Variants in COL5A2 observed in about 807,000 individuals in gnomAD.
COL5A2 encodes the protein collagen type V alpha 2 chain.
COL5A2 carries 23 observed loss-of-function variants against 208.2 expected under a neutral mutation model. The observed-to-expected ratio is 0.11, with a 90% CI of 0.08 to 0.16. COL5A2 has a LOEUF of 0.16. COL5A2 is among the 10% of genes least tolerant of loss of function. The pLI, the probability that COL5A2 is intolerant of heterozygous loss-of-function variation, is 1.00. For synonymous variants in COL5A2, 625 were observed against 628.5 expected, an observed-to-expected ratio of 0.99 and a Z score of 0.08; for missense variants, 1,590 against 1,956.4, an observed-to-expected ratio of 0.81 and a Z score of 3.53.
chr2:189,181,522 C>CT, upstream of COL5A2, among the ~76,000 whole-genome samples: 1 of 152,202 alleles, frequency 6.6e-6, no homozygotes, highest in East Asian at 1.9e-4. Flanking sequence ...AGGAATTAAC[C>CT]TTTCTCTGAG....
intron 8 of COL5A2, among the ~76,000 whole-genome samples, chr2:189,087,023 A>T (rs548272742): frequency 7.9e-5 from 12 of 152,198 alleles, no homozygotes; most frequent in Admixed American, 2.0e-4. Context: ...TACACACCCA[A>T]TGTCTTTAGA....
intron 5 of COL5A2, 71 bp downstream of exon 5, chr2:189,098,656 T>A: frequency 8.7e-7 from 1 of 1,143,680 alleles, no homozygotes; most frequent in South Asian, 1.2e-5. Context: ...CTCATGGATA[T>A]AATATCTGTA....
the COL5A2 span, among the ~76,000 whole-genome samples, chr2:189,341,783 T>C: frequency 1.3e-5 from 2 of 152,184 alleles, no homozygotes; most frequent in African/African-American, 2.4e-5. Context: ...GAAAGTCTCA[T>C]ATTTTTAATT....
intron 1 of COL5A2, among the ~76,000 whole-genome samples, chr2:189,149,670 A>G (rs184256868): frequency 6.6e-6 from 1 of 152,240 alleles, no homozygotes; most frequent in African/African-American, 2.4e-5. Context: ...TGAAGAAACT[A>G]TAAGTGAATT....
At chr2:189,330,700 C>T in the COL5A2 span, among the ~76,000 whole-genome samples, 1 of 152,094 alleles carries the variant, frequency 6.6e-6, no homozygotes, top group South Asian at 2.1e-4. Flanking sequence ...CTGATCTTGC[C>T]CTCAAAAACA....
the COL5A2 span, among the ~76,000 whole-genome samples, chr2:189,251,788 C>T: frequency 2.6e-5 from 4 of 152,124 alleles, no homozygotes; most frequent in East Asian, 7.7e-4. Context: ...AAGAGCTTCG[C>T]ACAGCAAAAG....
the COL5A2 span, among the ~76,000 whole-genome samples, chr2:189,380,747 A>G: frequency 3.9e-5 from 6 of 151,992 alleles, no homozygotes; most frequent in Admixed American, 3.9e-4. Context: ...CTCAGACATC[A>G]CACCAACAAT....
the COL5A2 span, among the ~76,000 whole-genome samples, chr2:189,408,580 G>T: frequency 1.3e-5 from 2 of 152,044 alleles, no homozygotes; most frequent in African/African-American, 2.4e-5. Context: ...CATGTTTTAG[G>T]TTGGAATTTA....
At chr2:189,138,607 TC>T (rs1022556706) in intron 1 of COL5A2, among the ~76,000 whole-genome samples, 1 of 152,138 alleles carries the variant, frequency 6.6e-6, no homozygotes. Context: ...GATAGCATTC[TC>T]CAATATAAGG....
chr2:189,362,810 T>G, the COL5A2 span, among the ~76,000 whole-genome samples: 1 of 152,052 alleles, frequency 6.6e-6, no homozygotes, highest in Non-Finnish European at 1.5e-5. Flanking sequence ...GACAGTCCTT[T>G]GAAAAATATT....
chr2:189,072,765 C>CAAAAAAAAAAAAAAAAAAAAAAAAAAAAA (rs58636533), intron 17 of COL5A2, among the ~76,000 whole-genome samples: 2 of 67,538 alleles, frequency 3.0e-5, no homozygotes, highest in Non-Finnish European at 2.9e-5. Flanking sequence ...ACTCCATCTC[C>CAAAAAAAAAAAAAAAAAAAAAAAAAAAAA]AAAAAAAAAA....
At chr2:189,311,620 G>C in the COL5A2 span, 11 of 890,922 alleles carry the variant, frequency 1.2e-5, no homozygotes, top group Non-Finnish European at 1.8e-5. Flanking sequence ...TTCTCATAGA[G>C]TCCAGGTCCA....
At chr2:189,076,906 C>T (rs1237362863) in intron 16 of COL5A2, among the ~76,000 whole-genome samples, 1 of 151,940 alleles carries the variant, frequency 6.6e-6, no homozygotes, top group Non-Finnish European at 1.5e-5. Context: ...CAATGTGAGA[C>T]CCTGTCTCTA....
the COL5A2 span, among the ~76,000 whole-genome samples, chr2:189,298,799 G>A: frequency 6.6e-6 from 1 of 152,048 alleles, no homozygotes. Context: ...GAGGAGTAAG[G>A]GATATATCTA....
At chr2:189,130,565 G>T (rs984168090) in intron 1 of COL5A2, among the ~76,000 whole-genome samples, 2 of 151,880 alleles carry the variant, frequency 1.3e-5, no homozygotes. Flanking sequence ...GACATAGTGG[G>T]TCTTCACTGT....
rs1685766527 is a variant in COL5A2 at position 189,050,648 on chromosome 2, C to G, written c.2960G>C (p.Gly987Ala). ...PGPDGPPGPA[G>A]TTGQRGIVGM... Reference sequence around the variant, plus strand: ...AACAATTCCTCTCTGCCCGGTCGTTCCAGCTGGACCAGGGGGGCCATCTGG... The same window carrying G: ...AACAATTCCTCTCTGCCCGGTCGTTGCAGCTGGACCAGGGGGGCCATCTGG... Residue 987 changes from glycine (G) to alanine (A), a missense_variant, in exon 43 of 54, where the codon GGA becomes GCA. By Grantham distance (60) the Gly-to-Ala change is moderately conservative. Coordinates refer to ENST00000374866, the MANE Select transcript of COL5A2 (RefSeq NM_000393.5). 1 of 1,552,192 alleles carries G rather than the reference C, an allele frequency of 6.4e-7. No homozygotes were observed. Among genetic ancestry groups the G allele is most frequent in the Non-Finnish European group, 8.7e-7 (1 of 1,147,270 alleles).
the COL5A2 span, among the ~76,000 whole-genome samples, chr2:189,289,339 T>C: frequency 3.4e-5 from 5 of 147,360 alleles, no homozygotes; most frequent in African/African-American, 1.0e-4. Flanking sequence ...AGACTCTATC[T>C]AAAAAAAAAG....
At chr2:189,382,780 TA>T in the COL5A2 span, among the ~76,000 whole-genome samples, 67 of 152,194 alleles carry the variant, frequency 4.4e-4, 1 homozygote, top group African/African-American at 1.5e-3. Context: ...TTTTTGCAGG[TA>T]GGGGATGGAT....
At chr2:189,145,209 A>G (rs1443309851) in intron 1 of COL5A2, among the ~76,000 whole-genome samples, 3 of 152,172 alleles carry the variant, frequency 2.0e-5, no homozygotes, top group African/African-American at 7.2e-5. Context: ...AAAGGGTTAG[A>G]AACATGACAT....
Sources: allele counts gnomAD v4.1 joint callset (sites outside exome capture counted in the v4.1 genomes callset), GRCh38; gene constraint gnomAD v4.1.1; transcripts MANE v1.5; gene names NCBI Gene and HGNC (gene_info 2026-07-23, HGNC 2026-07-21).